Variants in CIITA observed in about 807,000 individuals in gnomAD.
CIITA encodes the protein class II major histocompatibility complex transactivator.
Under a neutral mutation model 115.1 loss-of-function variants are expected in CIITA, and 72 were observed. The observed-to-expected ratio is 0.63, with a 90% CI of 0.52 to 0.76. CIITA has a LOEUF of 0.76. Ranked by LOEUF, CIITA falls within the 30% of genes least tolerant of loss-of-function variation. The probability of loss-of-function intolerance (pLI) is 0.00; values close to 1 mark genes in which losing one functional copy is unlikely to be tolerated. For missense variants in CIITA, 1,617 were observed against 1,463.8 expected (o/e 1.10, Z -1.71); for synonymous variants, 763 against 635.6 (o/e 1.20, Z -3.02).
chr16:10,867,421 C>T (rs577548050), intron 1 of CIITA, among the ~76,000 whole-genome samples: 29 of 146,016 alleles, frequency 2.0e-4, no homozygotes, highest in African/African-American at 3.3e-4. Flanking sequence ...AGAGGGAGAG[C>T]GAGAAAGGAA....
chr16:10,878,372 G>C (rs976246657), intron 1 of CIITA, among the ~76,000 whole-genome samples: 1 of 152,124 alleles, frequency 6.6e-6, no homozygotes, highest in Non-Finnish European at 1.5e-5. Context: ...CCTGAAAAGG[G>C]AAAGTGACCA....
At chr16:10,866,765 C>T (rs1313611850) in intron 1 of CIITA, among the ~76,000 whole-genome samples, 8 of 152,232 alleles carry the variant, frequency 5.3e-5, no homozygotes, top group African/African-American at 1.9e-4. Flanking sequence ...GAACGGCGTG[C>T]TTCCCACTCT....
At chr16:10,895,643 T>C (rs202209200) in intron 2 of CIITA, 26 bp from the exon 3 acceptor site, 1 of 1,613,920 alleles carries the variant, frequency 6.2e-7, no homozygotes, top group Non-Finnish European at 8.5e-7. Flanking sequence ...AATTTCCTTC[T>C]TCATCCAAGG....
At chr16:10,918,786 T>C (rs1469668450) in intron 16 of CIITA, among the ~76,000 whole-genome samples, 1 of 152,266 alleles carries the variant, frequency 6.6e-6, no homozygotes, top group Non-Finnish European at 1.5e-5. Context: ...GGTTCTGTTA[T>C]GCAATAAATA....
rs368178094 is a variant in CIITA, at chr16:10,906,482, G to T, written c.1007-17G>T. On this transcript the variant is annotated splice_polypyrimidine_tract_variant and intron_variant, in intron 10 of 19. Transcript: ENST00000324288. ...CTCTCACATACCCCCACCCTGACACGCCCCTGGCCTTTGCAGAGCCGGTGG... is the reference window on the plus strand; with the variant it reads ...CTCTCACATACCCCCACCCTGACACTCCCCTGGCCTTTGCAGAGCCGGTGG... The T allele has an allele frequency of 6.2e-7, 1 of 1,611,064 alleles. No homozygotes were observed. The highest frequency in any genetic ancestry group is 1.1e-5 in the South Asian group (1 of 90,950).
At chr16:10,871,127 C>T (rs998404397) in intron 1 of CIITA, among the ~76,000 whole-genome samples, 1 of 152,214 alleles carries the variant, frequency 6.6e-6, no homozygotes, top group South Asian at 2.1e-4. Context: ...CCGGGCGCCC[C>T]GCCTCAGTTT....
At chr16:10,894,030 T>C (rs2037871683) in intron 1 of CIITA, among the ~76,000 whole-genome samples, 1 of 151,966 alleles carries the variant, frequency 6.6e-6, no homozygotes, top group Admixed American at 6.6e-5. Flanking sequence ...TAAAAAAAAA[T>C]TAATAGAGAT....
intron 10 of CIITA, among the ~76,000 whole-genome samples, chr16:10,905,102 A>T (rs1263038387): frequency 6.6e-6 from 1 of 152,204 alleles, no homozygotes; most frequent in Non-Finnish European, 1.5e-5. Context: ...TGATGAAGTG[A>T]GTGAGTGGAT....
At chr16:10,892,688 T>A (rs1777629981) in intron 1 of CIITA, among the ~76,000 whole-genome samples, 1 of 152,312 alleles carries the variant, frequency 6.6e-6, no homozygotes, top group South Asian at 2.1e-4. Flanking sequence ...ATCCCAGCAC[T>A]TTGGGAAGCT....
At chr16:10,886,261 G>C (rs1284502116) in intron 1 of CIITA, among the ~76,000 whole-genome samples, 1 of 151,900 alleles carries the variant, frequency 6.6e-6, no homozygotes, top group Non-Finnish European at 1.5e-5. Context: ...TTTGCATTCT[G>C]TACTATGTTT....
intron 13 of CIITA, among the ~76,000 whole-genome samples, chr16:10,912,363 C>A (rs2039641422): frequency 6.6e-6 from 1 of 152,208 alleles, no homozygotes; most frequent in South Asian, 2.1e-4. Flanking sequence ...TTCCTCCCAC[C>A]TCAGCCTCCC....
chr16:10,922,843 A>G (rs2040348249), intron 18 of CIITA: 3 of 495,906 alleles, frequency 6.0e-6, no homozygotes, highest in Non-Finnish European at 1.1e-5. Flanking sequence ...GTTCAGGTTT[A>G]TCTTTTATTA....
At chr16:10,896,889 G>A (rs1665710651) in intron 3 of CIITA, among the ~76,000 whole-genome samples, 1 of 152,238 alleles carries the variant, frequency 6.6e-6, no homozygotes, top group Admixed American at 6.5e-5. Flanking sequence ...TCATGTTTCA[G>A]AAATTACAGA....
At chr16:10,922,998 A>C (rs1029910526) in intron 18 of CIITA, 1 of 586,048 alleles carries the variant, frequency 1.7e-6, no homozygotes, top group African/African-American at 1.9e-5. Context: ...AGAGCAGTTA[A>C]CTAACCTTTC....
At chr16:10,891,884 G>A (rs1206390939) in intron 1 of CIITA, among the ~76,000 whole-genome samples, 1 of 152,178 alleles carries the variant, frequency 6.6e-6, no homozygotes, top group Non-Finnish European at 1.5e-5. Flanking sequence ...GTTATGTTTG[G>A]GTTCCTGCAG....
intron 1 of CIITA, among the ~76,000 whole-genome samples, chr16:10,894,805 T>C (rs1039925234): frequency 2.6e-5 from 4 of 152,218 alleles, no homozygotes; most frequent in African/African-American, 9.6e-5. Context: ...CTGGTTCCAC[T>C]TGGACATGGG....
At chr16:10,922,912 A>G (rs1190201959) in intron 18 of CIITA, 2 of 508,988 alleles carry the variant, frequency 3.9e-6, no homozygotes, top group East Asian at 6.9e-5. Flanking sequence ...TTTTATCTCC[A>G]CAATCACTCA....
At position 10,916,432 on chromosome 16, in the gene CIITA, C is replaced by A; in HGVS notation, c.3035C>A (p.Pro1012His). The A allele has an allele frequency of 6.2e-7, 1 of 1,612,954 alleles. No homozygotes were observed. The highest frequency in any genetic ancestry group is 1.3e-5 in the African/African-American group (1 of 75,022). ...EGVSQLSATF[P>H]QLKSLETLNL... ...GTCTCGCAGCTCTCAGCCACCTTCC[C>A]CCAGCTGAAGTCCTTGGAAACCCTC... Residue 1012 changes from proline to histidine, a missense_variant, in exon 15 of 20, where the codon CCC becomes CAC. Pro to His is a moderately conservative substitution (Grantham distance 77). Coordinates refer to ENST00000324288, the MANE Select transcript of CIITA (RefSeq NM_000246.4).
In CIITA at chr16:10,898,703, A is replaced by T. The variant is rs1307562650; in HGVS notation, c.329A>T (p.Gln110Leu). The T allele has an allele frequency of 6.2e-7, 1 of 1,611,902 alleles. No individual in the cohort carries two copies. The highest frequency in any genetic ancestry group is 8.5e-7 in the Non-Finnish European group (1 of 1,179,164). The change falls in exon 4 of 20, where the codon CAG becomes CTG. Residue 110 changes from glutamine (Q) to leucine (L), a missense_variant. By Grantham distance (113) the Gln-to-Leu change is moderately radical (BLOSUM62 -2). Transcript: ENST00000324288. ...GACCAGTATGTCTTCCAGGACTCCC[A>T]GCTGGAGGGCCTGAGCAAGGACATT... ...ELDQYVFQDS[Q>L]LEGLSKDIFK...
Sources: allele counts gnomAD v4.1 joint callset (sites outside exome capture counted in the v4.1 genomes callset), GRCh38; gene constraint gnomAD v4.1.1; transcripts MANE v1.5; gene names NCBI Gene and HGNC (gene_info 2026-07-23, HGNC 2026-07-21).